Variants in SLC38A12 observed in about 807,000 individuals in gnomAD.
SLC38A12 encodes putative sodium-coupled neutral amino acid transporter 12.
At chr17:74,801,860 C>T in the SLC38A12 span, among the ~76,000 whole-genome samples, 3 of 152,102 alleles carry the variant, frequency 2.0e-5, no homozygotes, top group African/African-American at 7.2e-5. Flanking sequence ...TCTTGTCTTC[C>T]GTGTGCTTTC....
the SLC38A12 span, among the ~76,000 whole-genome samples, chr17:74,823,136 G>A: frequency 4.2e-3 from 638 of 152,120 alleles, 1 homozygote; most frequent in Middle Eastern, 0.027. Flanking sequence ...TCCCACACTC[G>A]CGCCGCACCC....
the SLC38A12 span, among the ~76,000 whole-genome samples, chr17:74,826,241 G>A: frequency 1.3e-5 from 2 of 152,208 alleles, no homozygotes; most frequent in African/African-American, 4.8e-5. Context: ...CAGAGCCCGT[G>A]ATTTCTGACG....
chr17:74,836,883 G>C, the SLC38A12 span: 1 of 1,378,516 alleles, frequency 7.3e-7, no homozygotes, highest in Non-Finnish European at 9.3e-7. This position sits in a 1 kb window ranked among gnomAD's most constrained non-coding sequence, Gnocchi z 4.2. Flanking sequence ...TCACTCCCCC[G>C]GGCAGCTCTC....
At chr17:74,779,693 G>C in the SLC38A12 span, among the ~76,000 whole-genome samples, 2 of 152,162 alleles carry the variant, frequency 1.3e-5, no homozygotes, top group Non-Finnish European at 2.9e-5. Context: ...GCAGAGCTCT[G>C]CCCTGGCTGC....
chr17:74,807,306 GCTC>G, the SLC38A12 span, among the ~76,000 whole-genome samples: 6 of 152,210 alleles, frequency 3.9e-5, no homozygotes, highest in African/African-American at 1.4e-4. Context: ...CTCATTGTGA[GCTC>G]CTTCAGGGCA....
the SLC38A12 span, among the ~76,000 whole-genome samples, chr17:74,833,315 G>T: frequency 1.3e-5 from 2 of 152,192 alleles, no homozygotes; most frequent in Admixed American, 1.3e-4. Context: ...GTGCCCAGCC[G>T]CCATGGCTTT....
At chr17:74,790,276 A>C in the SLC38A12 span, 1 of 1,614,076 alleles carries the variant, frequency 6.2e-7, no homozygotes, top group South Asian at 1.1e-5. Context: ...CGGGCAGAGA[A>C]GCGGCCCATC....
chr17:74,818,916 C>T, the SLC38A12 span, among the ~76,000 whole-genome samples: 1 of 152,216 alleles, frequency 6.6e-6, no homozygotes, highest in East Asian at 1.9e-4. Flanking sequence ...GTCACATTTA[C>T]CCCCATTTTC....
the SLC38A12 span, among the ~76,000 whole-genome samples, chr17:74,787,985 G>T: frequency 0.03 from 4,511 of 151,998 alleles, 229 homozygotes; most frequent in African/African-American, 0.1. Context: ...TAGTACAGAC[G>T]AAGTTTCACC....
chr17:74,819,854 G>GA, the SLC38A12 span: 1 of 1,610,016 alleles, frequency 6.2e-7, no homozygotes, highest in South Asian at 1.1e-5. Context: ...GTGAGTCTGA[G>GA]AAACAGCTCG....
chr17:74,818,021 A>G, the SLC38A12 span, among the ~76,000 whole-genome samples: 1 of 152,166 alleles, frequency 6.6e-6, no homozygotes, highest in African/African-American at 2.4e-5. Flanking sequence ...TCTACCTGAC[A>G]TCTCCCTCTT....
At chr17:74,839,253 A>G in the SLC38A12 span, 2 of 1,326,738 alleles carry the variant, frequency 1.5e-6, no homozygotes, top group Non-Finnish European at 2.0e-6. Flanking sequence ...ACGGGCCCCT[A>G]GCCACACAGC....
the SLC38A12 span, among the ~76,000 whole-genome samples, chr17:74,788,340 G>A: frequency 6.6e-6 from 1 of 152,182 alleles, no homozygotes; most frequent in Non-Finnish European, 1.5e-5. Flanking sequence ...GTATGTAATT[G>A]GGAGGTGACC....
At chr17:74,793,601 A>G in the SLC38A12 span, among the ~76,000 whole-genome samples, 1 of 152,308 alleles carries the variant, frequency 6.6e-6, no homozygotes, top group South Asian at 2.1e-4. Context: ...GGCCAATGGC[A>G]GTTTATAAAC....
At chr17:74,784,973 C>T in the SLC38A12 span, among the ~76,000 whole-genome samples, 1 of 151,594 alleles carries the variant, frequency 6.6e-6, no homozygotes, top group Non-Finnish European at 1.5e-5. Context: ...TTTTAAAAAC[C>T]CTGAAGTTGG....
the SLC38A12 span, among the ~76,000 whole-genome samples, chr17:74,830,605 A>G: frequency 2.5e-4 from 38 of 152,368 alleles, no homozygotes; most frequent in East Asian, 6.9e-3. Flanking sequence ...TAAAGCCGAT[A>G]TTAACAAGAA....
chr17:74,777,471 G>T, the SLC38A12 span: 1 of 1,589,070 alleles, frequency 6.3e-7, no homozygotes. Context: ...GAGTGCTGCT[G>T]CTTGAGCAGA....
the SLC38A12 span, among the ~76,000 whole-genome samples, chr17:74,792,400 G>A: frequency 4.6e-5 from 7 of 151,516 alleles, no homozygotes; most frequent in South Asian, 2.1e-4. Context: ...GCAGTGAGCC[G>A]AGATCACACC....
chr17:74,786,132 G>A, the SLC38A12 span, among the ~76,000 whole-genome samples: 2 of 152,182 alleles, frequency 1.3e-5, no homozygotes, highest in Admixed American at 6.5e-5. Flanking sequence ...CTTCAGGGAC[G>A]CCTACTCCTT....
Sources: gnomAD v4.1 joint callset for allele counts (sites outside exome capture counted in the v4.1 genomes callset) on GRCh38, gnomAD v4.1.1 for gene constraint, Gnocchi (gnomAD v3.1) non-coding constraint, MANE v1.5 for transcripts, NCBI Gene and HGNC (gene_info 2026-07-23, HGNC 2026-07-21) for gene names.